The following ARFGEF1 variants were observed in gnomAD, a reference collection of about 807,000 sequenced individuals.
ARFGEF1 encodes the protein brefeldin A-inhibited guanine nucleotide-exchange protein 1.
A neutral mutation model predicts 231.0 loss-of-function variants in ARFGEF1; 42 were observed. That is an observed-to-expected ratio of 0.18 (90% confidence interval 0.14 to 0.24). ARFGEF1 has a LOEUF of 0.24. Among genes scored for constraint, ARFGEF1 ranks in the 10% least tolerant of loss-of-function variants. The probability of loss-of-function intolerance (pLI) is 1.00; values close to 1 mark genes in which losing one functional copy is unlikely to be tolerated. For synonymous variants in ARFGEF1, 710 were observed against 732.3 expected, an observed-to-expected ratio of 0.97 and a Z score of 0.49; for missense variants, 1,345 against 2,192.0, an observed-to-expected ratio of 0.61 and a Z score of 7.72.
intron 34 of ARFGEF1, among the ~76,000 whole-genome samples, chr8:67,206,245 A>T (rs1375933598): frequency 6.6e-6 from 1 of 151,980 alleles, no homozygotes; most frequent in Non-Finnish European, 1.5e-5. Flanking sequence ...CCCCATCTCT[A>T]CTAAAAATAC....
Position 67,336,414 on chromosome 8 carries a change from A to G in ARFGEF1, c.124+6750T>C, listed in dbSNP as rs115055157. On this transcript the variant is annotated intron_variant, in intron 1 of 38. Transcript: ENST00000262215. ...AAAGGGAACTTGCATTCATTTCCTA[A>G]GGCTGCCTTAATAAATTACCATAAA... is the stretch of plus-strand genomic sequence containing the variant. Among the ~76,000 whole-genome samples, 1,302 of 152,314 alleles carry G rather than the reference A, an allele frequency of 8.5e-3. 16 individuals carry two copies. The highest frequency in any genetic ancestry group is 0.029 in the African/African-American group (1,226 of 41,566).
chr8:67,301,294 A>T lies in ARFGEF1; in HGVS notation c.242T>A (p.Phe81Tyr). ...KTNFIEADKYFLPFELACQSK... is the reference protein window; with the variant it reads ...KTNFIEADKYYLPFELACQSK... ...CTGGCATGCCAACTCAAAAGGCAAG[A>T]AGTACTTGTCTGCTTCAATAAAATT... Residue 81 changes from phenylalanine (F) to tyrosine (Y), a missense_variant, in exon 3 of 39, where the codon TTC (phenylalanine) becomes TAC (tyrosine). Transcript: ENST00000262215. 2 of 1,614,140 alleles carry T rather than the reference A, an allele frequency of 1.2e-6. No homozygotes were observed. Among genetic ancestry groups the T allele is most frequent in the South Asian group, 1.1e-5 (1 of 91,082 alleles).
downstream of ARFGEF1, chr8:67,195,615 G>GT: frequency 6.2e-7 from 1 of 1,603,274 alleles, no homozygotes; most frequent in South Asian, 1.1e-5. Context: ...ACTGGACCCA[G>GT]TAGTGCCTTT....
intron 10 of ARFGEF1, among the ~76,000 whole-genome samples, chr8:67,267,934 A>T (rs1207423453): frequency 6.6e-6 from 1 of 152,190 alleles, no homozygotes; most frequent in Non-Finnish European, 1.5e-5. Flanking sequence ...TTTTCTAATT[A>T]CTCACAAAAG....
chr8:67,341,360 G>A (rs1808617089), intron 1 of ARFGEF1, among the ~76,000 whole-genome samples: 1 of 151,412 alleles, frequency 6.6e-6, no homozygotes, highest in Admixed American at 6.6e-5. Context: ...GGCCAAGGTG[G>A]GAGGCTCTCT....
intron 35 of ARFGEF1, among the ~76,000 whole-genome samples, chr8:67,203,866 ACCCATCCCCCAGCCCTCCCCCTGCCG>A (rs1201831528): frequency 7.9e-5 from 12 of 151,718 alleles, no homozygotes; most frequent in Admixed American, 3.3e-4. Flanking sequence ...TGCATCCACA[ACCCATCCCCCAGCCCTCCCCCTGCCG>A]CCACATGGGA....
At chr8:67,240,065 T>G (rs1839884370) in intron 20 of ARFGEF1, 97 bp downstream of exon 20, 5 of 1,487,258 alleles carry the variant, frequency 3.4e-6, no homozygotes, top group Non-Finnish European at 4.5e-6. Context: ...AATTAGTTTT[T>G]AATGTCACAC....
chr8:67,215,093 G>C (rs1320620304), intron 33 of ARFGEF1, among the ~76,000 whole-genome samples: 1 of 152,132 alleles, frequency 6.6e-6, no homozygotes, highest in Non-Finnish European at 1.5e-5. Flanking sequence ...TATATCTTAT[G>C]CTTGTCCCAC....
intron 36 of ARFGEF1, 136 bp from the exon 37 acceptor site, chr8:67,201,741 T>C (rs1026746512): frequency 2.6e-6 from 3 of 1,153,558 alleles, no homozygotes; most frequent in Non-Finnish European, 1.2e-6. Flanking sequence ...CACAGCAGCC[T>C]GATGTGAAGG....
At chr8:67,312,258 A>C (rs7817641) in intron 1 of ARFGEF1, among the ~76,000 whole-genome samples, 42,392 of 150,712 alleles carry the variant, frequency 0.28, 6,084 homozygotes, top group East Asian at 0.38. Context: ...AAAAAAAAAA[A>C]AACAACACAC....
chr8:67,219,338 C>G, intron 30 of ARFGEF1, 93 bp downstream of exon 30: 1 of 1,411,542 alleles, frequency 7.1e-7, no homozygotes, highest in Non-Finnish European at 9.4e-7. Context: ...GAATTCTTTT[C>G]TGTACTTAAT....
chr8:67,341,114 G>A (rs1808606183), intron 1 of ARFGEF1, among the ~76,000 whole-genome samples: 1 of 151,928 alleles, frequency 6.6e-6, no homozygotes, highest in South Asian at 2.1e-4. Context: ...AACAGAACTG[G>A]GATTTAAACC....
intron 29 of ARFGEF1, among the ~76,000 whole-genome samples, chr8:67,222,220 T>TATATACACACAC (rs1554636849): frequency 1.7e-3 from 200 of 120,664 alleles, no homozygotes; most frequent in Middle Eastern, 0.011. Context: ...CACATATATA[T>TATATACACACAC]ATATGTATAT....
chr8:67,211,623 A>G lies in ARFGEF1; in HGVS notation c.4687-8T>C, dbSNP rs1838754485. On this transcript the variant is annotated splice_region_variant and splice_polypyrimidine_tract_variant and intron_variant, in intron 33 of 38. Transcript: ENST00000262215. ...CTTCTGTGATATTGTATCCTAATAAATAAAAAAAAAATCACTGTAAGTATG... is the reference window on the plus strand; with the variant it reads ...CTTCTGTGATATTGTATCCTAATAAGTAAAAAAAAAATCACTGTAAGTATG... 5.6e-6 allele frequency: 8 copies of G among 1,420,290 alleles called. No individual in the cohort carries two copies. The highest frequency in any genetic ancestry group is 7.5e-6 in the Non-Finnish European group (8 of 1,064,360). The allele number at this position is 1,420,290 out of a possible 1,614,324, so 88.0% of individuals were successfully genotyped here.
chr8:67,301,408 A>G (rs755430780), intron 2 of ARFGEF1, 28 bp from the exon 3 acceptor site: 1 of 1,585,766 alleles, frequency 6.3e-7, no homozygotes, highest in Non-Finnish European at 8.5e-7. Flanking sequence ...GTCTGATTAT[A>G]GCGTATCACA....
downstream of ARFGEF1, among the ~76,000 whole-genome samples, chr8:67,196,742 A>C (rs1361089321): frequency 2.0e-5 from 3 of 152,214 alleles, no homozygotes; most frequent in African/African-American, 7.2e-5. Flanking sequence ...CTAGGGGAAG[A>C]GTCCTGATAC....
At chr8:67,190,907 A>T in intron 5 of ARFGEF1, 1 of 612,936 alleles carries the variant, frequency 1.6e-6, no homozygotes, top group Non-Finnish European at 2.9e-6. Context: ...TGACTGGATG[A>T]CCTTGGGTAG....
At chr8:67,317,052 T>A (rs1807350579) in intron 1 of ARFGEF1, among the ~76,000 whole-genome samples, 1 of 152,158 alleles carries the variant, frequency 6.6e-6, no homozygotes, top group African/African-American at 2.4e-5. Flanking sequence ...ACAAAAACCC[T>A]GGACACCCAA....
intron 1 of ARFGEF1, among the ~76,000 whole-genome samples, chr8:67,305,432 T>A (rs1806693792): frequency 6.6e-6 from 1 of 152,186 alleles, no homozygotes; most frequent in Non-Finnish European, 1.5e-5. Flanking sequence ...AAGCTTGCTC[T>A]TGTTGCTCGG....
Sources: allele counts gnomAD v4.1 joint callset (sites outside exome capture counted in the v4.1 genomes callset), GRCh38; gene constraint gnomAD v4.1.1; transcripts MANE v1.5; gene names NCBI Gene and HGNC (gene_info 2026-07-23, HGNC 2026-07-21).